Variants in ABR observed in about 807,000 individuals in gnomAD.
ABR encodes the protein active breakpoint cluster region-related protein.
A neutral mutation model predicts 107.2 loss-of-function variants in ABR; 35 were observed. That is an observed-to-expected ratio of 0.33 (90% confidence interval 0.25 to 0.43). ABR has a LOEUF of 0.43. Ranked by LOEUF, ABR falls within the 20% of genes least tolerant of loss-of-function variation. The pLI is 1.00. For missense variants in ABR, 815 were observed against 1,115.2 expected (o/e 0.73, Z 3.83); for synonymous variants, 498 against 462.0 (o/e 1.08, Z -1.00).
chr17:1,125,120 C>A, intron 2 of ABR, 63 bp downstream of exon 2: 1 of 1,480,428 alleles, frequency 6.8e-7, no homozygotes, highest in East Asian at 2.3e-5. Flanking sequence ...GGGCCTGGCC[C>A]ACGATGCCCA....
At chr17:1,105,755 GA>G (rs1318272660) in intron 2 of ABR, among the ~76,000 whole-genome samples, 1 of 152,056 alleles carries the variant, frequency 6.6e-6, no homozygotes, top group Non-Finnish European at 1.5e-5. Flanking sequence ...TGCCTGTAGT[GA>G]GGGGGAGGCT....
chr17:1,018,441 ACAT>A (rs2150792834), intron 16 of ABR, among the ~76,000 whole-genome samples: 1 of 152,278 alleles, frequency 6.6e-6, no homozygotes, highest in South Asian at 2.1e-4. Context: ...GTCTCTCCAC[ACAT>A]CAGCATAAGC....
rs114074163 is a variant in ABR at position 1,159,206 on chromosome 17, C to T, written c.61+20461G>A. On this transcript the variant is annotated intron_variant, in intron 1 of 22. Transcript: ENST00000302538. ...AGTACTCATACACAAGAGAAGAATG[C>T]GGTACTCACATACAGGAGAAGTAAG... 7.3e-3 allele frequency among the ~76,000 whole-genome samples: 1,093 copies of T among 149,700 alleles called. 13 individuals are homozygous for T. The highest frequency in any genetic ancestry group is 0.026 in the African/African-American group (1,029 of 39,130).
Position 1,078,078 on chromosome 17 carries a change from G to A in ABR, c.700+1252C>T, listed in dbSNP as rs953608477. Reference sequence around the variant, plus strand: ...CAGCTGCGGGAGCTGCAAGGAGGATGGTCCGGGTCCCTTCCACCGAAAGGT... The same window carrying A: ...CAGCTGCGGGAGCTGCAAGGAGGATAGTCCGGGTCCCTTCCACCGAAAGGT... On this transcript the variant is annotated intron_variant, in intron 6 of 22. Transcript: ENST00000302538. The surrounding 1 kb of genome is among the most constrained non-coding windows in gnomAD (Gnocchi z 7.5). 4.0e-5 allele frequency among the ~76,000 whole-genome samples: 6 copies of A among 151,802 alleles called. No individual in the cohort carries two copies. The highest frequency in any genetic ancestry group is 3.9e-4 in the Admixed American group (6 of 15,270).
upstream of ABR, among the ~76,000 whole-genome samples, chr17:1,183,014 G>C (rs12051626): frequency 0.066 from 10,070 of 152,206 alleles, 491 homozygotes; most frequent in East Asian, 0.13. Context: ...CTGAGGAGTT[G>C]GGGAGATCCA....
chr17:1,010,172 G>A lies in ABR; in HGVS notation c.2237-388C>T, dbSNP rs369454578. On this transcript the variant is annotated intron_variant, in intron 20 of 22. Coordinates refer to ENST00000302538, the MANE Select transcript of ABR (RefSeq NM_021962.5). The surrounding 1 kb of genome is among the most constrained non-coding windows in gnomAD (Gnocchi z 4.1). ...TCTCCACCCCTTCTGCTGCTGGAGC[G>A]TGGGTGCAAGCAGCCTTCCGTGGGG... The A allele has an allele frequency of 2.7e-5, 7 of 262,458 alleles. No individual in the cohort carries two copies. Among genetic ancestry groups the A allele is most frequent in the Non-Finnish European group, 4.5e-5 (6 of 134,410 alleles). The allele number at this position is 262,458 out of a possible 1,614,324, so 16.3% of individuals were successfully genotyped here.
At chr17:1,031,589 C>A in intron 16 of ABR, 1 of 1,235,312 alleles carries the variant, frequency 8.1e-7, no homozygotes, top group Non-Finnish European at 1.0e-6. Flanking sequence ...CTCCAGCCCC[C>A]GCGGGCACCT....
intron 4 of ABR, among the ~76,000 whole-genome samples, 185 bp downstream of exon 4, chr17:1,091,480 T>G (rs78185851): frequency 0.021 from 3,212 of 152,256 alleles, 48 homozygotes; most frequent in Non-Finnish European, 0.033. Flanking sequence ...AGGGGAGGCC[T>G]AGAGTCAAGG....
chr17:1,026,779 G>C (rs780583921), intron 16 of ABR, among the ~76,000 whole-genome samples: 1 of 152,224 alleles, frequency 6.6e-6, no homozygotes, highest in Non-Finnish European at 1.5e-5. Context: ...GGGAAACGAG[G>C]TCAAAGAACA....
chr17:1,086,764 G>A (rs2036618623), intron 4 of ABR, among the ~76,000 whole-genome samples: 2 of 152,150 alleles, frequency 1.3e-5, no homozygotes, highest in Non-Finnish European at 1.5e-5. Context: ...GCCTCCCAAA[G>A]TGCTGGGATT....
chr17:1,082,126 A>G (rs2036281479), intron 5 of ABR, among the ~76,000 whole-genome samples: 2 of 152,256 alleles, frequency 1.3e-5, no homozygotes, highest in South Asian at 4.1e-4. Flanking sequence ...ACGGGAACAC[A>G]AAGGGCCAAG....
chr17:1,228,639 G>A (rs2043268189), intron 1 of ABR, among the ~76,000 whole-genome samples: 1 of 152,146 alleles, frequency 6.6e-6, no homozygotes, highest in Non-Finnish European at 1.5e-5. Context: ...GGTGGCTTTG[G>A]GGTACACGGG....
chr17:1,128,544 G>A (rs1567803483), intron 1 of ABR, among the ~76,000 whole-genome samples: 1 of 152,232 alleles, frequency 6.6e-6, no homozygotes, highest in Non-Finnish European at 1.5e-5. Context: ...GGATATGTGT[G>A]GAACTTGCAG....
chr17:1,082,307 A>G (rs1421388221), intron 5 of ABR, among the ~76,000 whole-genome samples: 5 of 152,188 alleles, frequency 3.3e-5, no homozygotes, highest in Non-Finnish European at 7.3e-5. Context: ...GAAGGATCCT[A>G]AGCAACTGTC....
At chr17:1,141,997 A>G (rs1450356310) in intron 1 of ABR, among the ~76,000 whole-genome samples, 2 of 151,926 alleles carry the variant, frequency 1.3e-5, no homozygotes, top group African/African-American at 4.8e-5. Flanking sequence ...ACCTCAGGTG[A>G]TCCACCTGCC....
chr17:1,038,993 G>A (rs2247955), intron 16 of ABR, among the ~76,000 whole-genome samples: 2,288 of 152,266 alleles, frequency 0.015, 54 homozygotes, highest in African/African-American at 0.048. Flanking sequence ...TGAATGCCAC[G>A]GACCCGAGAG....
chr17:1,058,763 G>C lies in ABR; in HGVS notation c.1287C>G (p.Ile429Met). ...LLNSPTIPFR[I>M]HNRNGKSYLF... ...TCCTGACCTTTCCATTCCGATTGTG[G>C]ATCCTGAACGGGATTGTGGGGGAGT... Residue 429 changes from isoleucine to methionine, a missense_variant, in exon 11 of 23, where the codon ATC becomes ATG. Transcript: ENST00000302538. 1 of 1,614,142 alleles carries C rather than the reference G, an allele frequency of 6.2e-7. No individual in the cohort carries two copies. Among genetic ancestry groups the C allele is most frequent in the Non-Finnish European group, 8.5e-7 (1 of 1,180,010 alleles).
intron 16 of ABR, among the ~76,000 whole-genome samples, chr17:1,043,755 A>G (rs2031067840): frequency 6.6e-6 from 1 of 152,182 alleles, no homozygotes; most frequent in Non-Finnish European, 1.5e-5. Flanking sequence ...CTCCCACCAC[A>G]GGGTCTTCAG....
intron 6 of ABR, among the ~76,000 whole-genome samples, chr17:1,075,007 C>T (rs184501677): frequency 6.6e-6 from 1 of 152,342 alleles, no homozygotes; most frequent in East Asian, 1.9e-4. Flanking sequence ...CAAAGGTTTC[C>T]TGAAGCAACT....
Sources: allele counts gnomAD v4.1 joint callset (sites outside exome capture counted in the v4.1 genomes callset), GRCh38; gene constraint gnomAD v4.1.1; non-coding constraint Gnocchi (gnomAD v3.1); transcripts MANE v1.5; gene names NCBI Gene and HGNC (gene_info 2026-07-23, HGNC 2026-07-21).